The following TPM3 variants were observed in gnomAD, a reference collection of about 807,000 sequenced individuals.
TPM3 encodes the protein tropomyosin 3, also known as tropomyosin alpha-3 chain.
A neutral mutation model predicts 43.1 loss-of-function variants in TPM3; 16 were observed. The observed-to-expected ratio is 0.37, with a 90% confidence interval of 0.25 to 0.56. TPM3 has a LOEUF of 0.56. Ranked by LOEUF, TPM3 falls within the 20% of genes least tolerant of loss-of-function variation. The pLI is 0.77. For synonymous variants in TPM3, 101 were observed against 116.9 expected (o/e 0.86, Z 0.88); for missense variants, 176 against 337.2 (o/e 0.52, Z 3.74).
chr1:154,174,490 T>C (rs181988287), intron 3 of TPM3, among the ~76,000 whole-genome samples: 13 of 142,236 alleles, frequency 9.1e-5, no homozygotes, highest in Middle Eastern at 7.4e-3. Context: ...CTCTTTTTTT[T>C]CCCCCCGGTA....
intron 5 of TPM3, chr1:154,172,240 T>G: frequency 3.5e-6 from 3 of 849,350 alleles, no homozygotes; most frequent in Non-Finnish European, 6.2e-6. Flanking sequence ...ACCACCATGG[T>G]CATGATATGT....
At chr1:154,179,882 A>T (rs955565858) in intron 2 of TPM3, among the ~76,000 whole-genome samples, 3 of 152,158 alleles carry the variant, frequency 2.0e-5, no homozygotes, top group African/African-American at 7.2e-5. Context: ...AGTTTTTTAG[A>T]CTAGAAAAAA....
chr1:154,188,543 C>T (rs573301841), intron 2 of TPM3, among the ~76,000 whole-genome samples: 1 of 151,138 alleles, frequency 6.6e-6, no homozygotes, highest in African/African-American at 2.5e-5. Context: ...GGCGCGGTGG[C>T]GGGCACCTGT....
chr1:154,172,013 G>C (rs1355475259), intron 5 of TPM3: 1 of 1,613,328 alleles, frequency 6.2e-7, no homozygotes, highest in Admixed American at 1.7e-5. Flanking sequence ...CTTGCTGTGG[G>C]CTTAATGGTT....
Position 154,167,855 on chromosome 1 carries a change from T to C in TPM3, c.*82A>G. 4 of 1,613,450 alleles carry C rather than the reference T, an allele frequency of 2.5e-6. No homozygotes were observed. Among genetic ancestry groups the C allele is most frequent in the Non-Finnish European group, 3.4e-6 (4 of 1,179,600 alleles). On this transcript the variant is annotated 3_prime_UTR_variant, in exon 10 of 10. Transcript: ENST00000651641. Reference sequence around the variant, plus strand: ...TGGGGACCAGCCAGGCTGACCCAAATGGAATCCAGAGCGAGAGTGGGGCCT... The same window carrying C: ...TGGGGACCAGCCAGGCTGACCCAAACGGAATCCAGAGCGAGAGTGGGGCCT...
Position 154,164,989 on chromosome 1 carries a change from TA to T in TPM3, c.*2947del, listed in dbSNP as rs947164827. 1.3e-5 allele frequency among the ~76,000 whole-genome samples: 2 copies of T among 152,362 alleles called. No homozygotes were observed. The highest frequency in any genetic ancestry group is 2.9e-5 in the Non-Finnish European group (2 of 68,022). On this transcript the variant is annotated 3_prime_UTR_variant, in exon 10 of 10. Coordinates refer to ENST00000651641, the MANE Select transcript of TPM3 (RefSeq NM_152263.4). ...AAATTATAACTCCTCAGCCTCATTTTAAGACACAACCTGTTCCCTACTCTGT... is the reference window on the plus strand; with the variant it reads ...AAATTATAACTCCTCAGCCTCATTTTAGACACAACCTGTTCCCTACTCTGT...
At chr1:154,156,477 G>A (rs1169056546), downstream of TPM3, 4 of 194,350 alleles carry the variant, frequency 2.1e-5, no homozygotes, top group South Asian at 1.9e-4. Flanking sequence ...CACATAAAAG[G>A]AGAGTACATT....
Position 154,167,464 on chromosome 1 carries a change from A to C in TPM3, c.*473T>G. 1 of 1,078,244 alleles carries C rather than the reference A, an allele frequency of 9.3e-7. No individual in the cohort carries two copies. The highest frequency in any genetic ancestry group is 1.1e-6 in the Non-Finnish European group (1 of 886,012). 66.8% of individuals were successfully genotyped at this position (1,078,244 alleles called of 1,614,324 possible). On this transcript the variant is annotated 3_prime_UTR_variant, in exon 10 of 10. Transcript: ENST00000651641. Reference sequence around the variant, plus strand: ...AGAGAATGGAAACACTGCAGGCAGGATGATTTAAGAACCTGGAAATAAGGA... The same window carrying C: ...AGAGAATGGAAACACTGCAGGCAGGCTGATTTAAGAACCTGGAAATAAGGA...
rs1662271582 is a variant in TPM3, at chr1:154,176,060, A to C, written c.377+55T>G. 9.3e-6 allele frequency: 15 copies of C among 1,611,228 alleles called. No individual in the cohort carries two copies. In the South Asian group the frequency reaches 1.6e-4, roughly 18 times the overall value. ...AAAACAGGTCTATAAGGAAATCTTG[A>C]TCAGAACTATTATGAACTTTTAAAA... On this transcript the variant is annotated intron_variant, in intron 3 of 9. Transcript: ENST00000651641.
At position 154,166,273 on chromosome 1, in the gene TPM3, G is replaced by T; in HGVS notation, c.*1664C>A. 1 of 229,272 alleles carries T rather than the reference G, an allele frequency of 4.4e-6. No homozygotes were observed. The highest frequency in any genetic ancestry group is 5.7e-5 in the Admixed American group (1 of 17,642). 14.2% of individuals were successfully genotyped at this position (229,272 alleles called of 1,614,324 possible). ...GATGGAATCTTGCTGTGTTGCCCAG[G>T]CTGGAGTACTACAGTGGCTATTTAT... On this transcript the variant is annotated 3_prime_UTR_variant, in exon 10 of 10. Transcript: ENST00000651641.
Position 154,165,099 on chromosome 1 carries a change from A to AG in TPM3, c.*2837dup, listed in dbSNP as rs1434685334. ...TTGTTTCTCTTTAAATGGAATGCTC[A>AG]GGCCAGGTGCAGTGGCTCACGCCTG... On this transcript the variant is annotated 3_prime_UTR_variant, in exon 10 of 10. Transcript: ENST00000651641. 6.6e-6 allele frequency among the ~76,000 whole-genome samples: 1 copy of AG among 152,090 alleles called. No homozygotes were observed. Among genetic ancestry groups the AG allele is most frequent in the Non-Finnish European group, 1.5e-5 (1 of 67,982 alleles).
At chr1:154,185,031 A>G (rs1289850732) in intron 2 of TPM3, among the ~76,000 whole-genome samples, 1 of 152,082 alleles carries the variant, frequency 6.6e-6, no homozygotes, top group Admixed American at 6.6e-5. Flanking sequence ...ACCAATTTCA[A>G]TGCCACTGTA....
rs537705773 is a variant in TPM3 at position 154,162,721 on chromosome 1, G to A, written c.*5216C>T. On this transcript the variant is annotated 3_prime_UTR_variant, in exon 10 of 10. Coordinates refer to ENST00000651641, the MANE Select transcript of TPM3 (RefSeq NM_152263.4). ...AGGATGGCTTCTGCAAGGATATTAA[G>A]CCTTAAACAAAGGAATGAATTTAGC... is the stretch of plus-strand genomic sequence containing the variant. Among the ~76,000 whole-genome samples, 2 of 152,284 alleles carry A rather than the reference G, an allele frequency of 1.3e-5. No individual in the cohort carries two copies. The highest frequency in any genetic ancestry group is 1.9e-4 in the East Asian group (1 of 5,188).
chr1:154,159,032 T>A (rs1374076502), downstream of TPM3: 3 of 780,614 alleles, frequency 3.8e-6, no homozygotes, highest in Non-Finnish European at 7.2e-6. Context: ...TTCGCTCAAG[T>A]TGGCTGTAGA....
intron 1 of TPM3, 118 bp from the exon 2 acceptor site, chr1:154,191,429 CTT>C: frequency 6.5e-7 from 1 of 1,542,878 alleles, no homozygotes; most frequent in Non-Finnish European, 8.8e-7. Context: ...GTGAGACACA[CTT>C]TCTCCCCAGC....
rs1660488806 is a variant in TPM3, at chr1:154,162,480, T to C, written c.*5457A>G. ...GCTAAGATAAAGCTGCCAAACAGAA[T>C]AGGTCTAAGATAAAGCTGCCAAACA... On this transcript the variant is annotated 3_prime_UTR_variant, in exon 10 of 10. Transcript: ENST00000651641. Among the ~76,000 whole-genome samples, 1 of 150,886 alleles carries C rather than the reference T, an allele frequency of 6.6e-6. No individual in the cohort carries two copies. The highest frequency in any genetic ancestry group is 2.4e-5 in the African/African-American group (1 of 40,830).
downstream of TPM3, chr1:154,157,629 C>G: frequency 1.3e-6 from 1 of 777,042 alleles, no homozygotes; most frequent in Non-Finnish European, 2.4e-6. Flanking sequence ...CAGGGTGGGA[C>G]TGGGGCGTTC....
Position 154,177,164 on chromosome 1 carries a change from C to G in TPM3, c.244-916G>C, listed in dbSNP as rs193162036. On this transcript the variant is annotated intron_variant, in intron 2 of 9. Transcript: ENST00000651641. ...GGAATATTGTTGGGATGCCTACTCACCAGCCCTTCAACTTGTGCCCCCGTA... is the reference window on the plus strand; with the variant it reads ...GGAATATTGTTGGGATGCCTACTCAGCAGCCCTTCAACTTGTGCCCCCGTA... Among the ~76,000 whole-genome samples the G allele has an allele frequency of 2.0e-4, 30 of 152,280 alleles. 1 individual carries two copies. Among genetic ancestry groups the G allele is most frequent in the African/African-American group, 7.0e-4 (29 of 41,556 alleles).
intron 2 of TPM3, among the ~76,000 whole-genome samples, chr1:154,176,846 G>A (rs1405716244): frequency 6.6e-6 from 1 of 151,692 alleles, no homozygotes; most frequent in Admixed American, 6.6e-5. Context: ...AGGTGTGGTG[G>A]CGCGTACCTC....
Sources: allele counts gnomAD v4.1 joint callset (sites outside exome capture counted in the v4.1 genomes callset), GRCh38; gene constraint gnomAD v4.1.1; transcripts MANE v1.5; gene names NCBI Gene and HGNC (gene_info 2026-07-23, HGNC 2026-07-21).